Variants in SYNC observed in about 807,000 individuals in gnomAD.
SYNC encodes the protein syncoilin.
Under a neutral mutation model 49.5 loss-of-function variants are expected in SYNC, and 38 were observed. The observed-to-expected ratio is 0.77, with a 90% CI of 0.59 to 1.01. The LOEUF is 1.01. Among genes scored for constraint, SYNC ranks in the 50% least tolerant of loss-of-function variants. The pLI, the probability that SYNC is intolerant of heterozygous loss-of-function variation, is 0.00. For synonymous variants in SYNC, 201 were observed against 230.8 expected, an observed-to-expected ratio of 0.87 and a Z score of 1.17; for missense variants, 579 against 580.6, an observed-to-expected ratio of 1.00 and a Z score of 0.03.
chr1:32,687,332 G>C (rs1385330992), intron 2 of SYNC, among the ~76,000 whole-genome samples: 1 of 143,896 alleles, frequency 6.9e-6, no homozygotes, highest in East Asian at 2.1e-4. Context: ...TTGCACTCCA[G>C]CCTGGGGGAC....
chr1:32,691,384 A>C (rs1026225023), intron 2 of SYNC, among the ~76,000 whole-genome samples: 4 of 46,668 alleles, frequency 8.6e-5, no homozygotes, highest in Non-Finnish European at 1.9e-4. Context: ...AATAGAAGAG[A>C]CTCCGACTAA....
intron 1 of SYNC, among the ~76,000 whole-genome samples, chr1:32,697,994 G>A (rs111449237): frequency 6.7e-5 from 10 of 148,856 alleles, no homozygotes; most frequent in East Asian, 4.0e-4. Flanking sequence ...AGGCCAAGAC[G>A]GGTGGATCAC....
intron 2 of SYNC, among the ~76,000 whole-genome samples, chr1:32,690,959 C>T (rs997153810): frequency 6.6e-6 from 1 of 152,000 alleles, no homozygotes; most frequent in African/African-American, 2.4e-5. Context: ...TGGCTCACAC[C>T]TATAATCCCA....
upstream of SYNC, chr1:32,702,807 G>T: frequency 1.6e-6 from 1 of 609,254 alleles, no homozygotes; most frequent in Non-Finnish European, 2.1e-6. The surrounding 1 kb of genome is among the most constrained non-coding windows in gnomAD (Gnocchi z 6.2). Flanking sequence ...CTTGGCCGGG[G>T]CTCCTGCCGG....
intron 1 of SYNC, among the ~76,000 whole-genome samples, chr1:32,698,544 T>C (rs946065971): frequency 2.0e-5 from 3 of 152,180 alleles, no homozygotes; most frequent in Middle Eastern, 6.8e-3. Flanking sequence ...TCATACCAAG[T>C]GCTTGTAAGC....
At chr1:32,692,407 C>T (rs1650208972) in intron 2 of SYNC, among the ~76,000 whole-genome samples, 2 of 152,064 alleles carry the variant, frequency 1.3e-5, no homozygotes, top group Non-Finnish European at 1.5e-5. Context: ...AGACTGTGAA[C>T]CAATTTTTTA....
intron 1 of SYNC, among the ~76,000 whole-genome samples, chr1:32,701,792 C>T (rs1570932468): frequency 6.6e-6 from 1 of 152,300 alleles, no homozygotes; most frequent in Middle Eastern, 3.4e-3. Flanking sequence ...CAGAGAACCG[C>T]AGAGCTCTCC....
intron 2 of SYNC, among the ~76,000 whole-genome samples, chr1:32,689,393 C>G (rs1650050756): frequency 2.0e-5 from 3 of 151,458 alleles, no homozygotes; most frequent in Admixed American, 1.3e-4. Context: ...TGCCTACCAC[C>G]ATGCCTGGCT....
At chr1:32,697,822 GT>G (rs1301788463) in intron 1 of SYNC, among the ~76,000 whole-genome samples, 1 of 151,496 alleles carries the variant, frequency 6.6e-6, no homozygotes, top group Non-Finnish European at 1.5e-5. Flanking sequence ...TCATATCCTT[GT>G]GACACAAATG....
chr1:32,686,201 ATTAAAG>A (rs981454308), intron 2 of SYNC: 2 of 152,246 alleles, frequency 1.3e-5, no homozygotes, highest in Non-Finnish European at 2.9e-5. Flanking sequence ...AATAAAATGC[ATTAAAG>A]TTAATTTCAT....
At position 32,694,985 on chromosome 1, in the gene SYNC, C is replaced by T; in HGVS notation, c.1113G>A (p.Met371Ile). The T allele has an allele frequency of 6.2e-7, 1 of 1,614,100 alleles. No homozygotes were observed. The highest frequency in any genetic ancestry group is 1.3e-5 in the African/African-American group (1 of 75,014). The change falls in exon 2 of 5, where the codon ATG becomes ATA. Residue 371 changes from methionine (M) to isoleucine (I), a missense_variant. By Grantham distance (10) the Met-to-Ile change is conservative. Transcript: ENST00000409190. ...CTTGCAGGGGTCTCAGAGCCTCCTT[C>T]ATTTCCTGGATCTCAGCCTGGGTTC... is the stretch of plus-strand genomic sequence containing the variant. ...LQRTQAEIQE[M>I]KEALRPLQAE...
At chr1:32,692,535 T>C (rs1650214774) in intron 2 of SYNC, among the ~76,000 whole-genome samples, 1 of 152,056 alleles carries the variant, frequency 6.6e-6, no homozygotes, top group Non-Finnish European at 1.5e-5. Flanking sequence ...TCACCTGAGG[T>C]CAGGTGTTCG....
Position 32,695,661 on chromosome 1 carries a change from G to C in SYNC, c.437C>G (p.Ala146Gly), listed in dbSNP as rs1171957898. 6.4e-7 allele frequency: 1 copy of C among 1,551,306 alleles called. No individual in the cohort carries two copies. Among genetic ancestry groups the C allele is most frequent in the Non-Finnish European group, 8.7e-7 (1 of 1,146,990 alleles). Residue 146 changes from alanine to glycine, a missense_variant, in exon 2 of 5, where the codon GCG becomes GGG. Transcript: ENST00000409190. ...GCTCTCCTCAGGGTTAGATTTCTCC[G>C]CCCTTGTGACTGTCTCTCCCTCATA... The part of the protein sequence containing the change: ...VVYEGETVTR[A>G]EKSNPEESLR...
chr1:32,680,311 T>A lies in SYNC; in HGVS notation c.*1539A>T. 1 of 1,312,168 alleles carries A rather than the reference T, an allele frequency of 7.6e-7. No individual in the cohort carries two copies. The highest frequency in any genetic ancestry group is 2.3e-5 in the South Asian group (1 of 44,060). The allele number at this position is 1,312,168 out of a possible 1,614,324, so 81.3% of individuals were successfully genotyped here. A position where few individuals can be genotyped will look rare whatever the true frequency, so the allele number is the denominator to read the frequency against. ...GTGTATTTCTTGAGCTGTTTTCATGTTGTTTATTTCCTGTCTGTGAAATGG... is the reference window on the plus strand; with the variant it reads ...GTGTATTTCTTGAGCTGTTTTCATGATGTTTATTTCCTGTCTGTGAAATGG... On this transcript the variant is annotated 3_prime_UTR_variant, in exon 5 of 5. Coordinates refer to ENST00000409190, the MANE Select transcript of SYNC (RefSeq NM_030786.3).
rs1244406339 is a variant in SYNC, at chr1:32,684,447, T to TA, written c.1234-66dup. 12 of 1,606,278 alleles carry TA rather than the reference T, an allele frequency of 7.5e-6. No homozygotes were observed. The East Asian group carries it at 2.5e-4, about 33-fold the overall frequency. On this transcript the variant is annotated intron_variant, in intron 2 of 4. Coordinates refer to ENST00000409190, the MANE Select transcript of SYNC (RefSeq NM_030786.3). Reference sequence around the variant, plus strand: ...AATAAAAACTCACATTGTCCACTCTTACTTATAAAACACTTTTTTGTTCAT... The same window carrying TA: ...AATAAAAACTCACATTGTCCACTCTTAACTTATAAAACACTTTTTTGTTCAT...
At chr1:32,696,087 C>T (rs1300013436) in intron 1 of SYNC, 43 bp from the exon 2 acceptor site, 7 of 1,484,702 alleles carry the variant, frequency 4.7e-6, no homozygotes, top group Non-Finnish European at 5.4e-6. Flanking sequence ...GCCACAATCC[C>T]AGGATGGTGC....
rs1474081279 is a variant in SYNC, at chr1:32,695,146, G to GA, written c.951dup (p.Leu318SerfsTer12). On this transcript the variant is annotated frameshift_variant, in exon 2 of 5. Coordinates refer to ENST00000409190, the MANE Select transcript of SYNC (RefSeq NM_030786.3). LOFTEE classifies it high-confidence loss of function. ...GCAGAGAGTCGCCGGCTTTCCTGGA[G>GA]AAAGTGCCCATCCCTCTGGCTTGGA... The GA allele has an allele frequency of 6.2e-7, 1 of 1,604,536 alleles. No individual in the cohort carries two copies. Among genetic ancestry groups the GA allele is most frequent in the Non-Finnish European group, 8.5e-7 (1 of 1,175,612 alleles).
At chr1:32,681,899 C>T (rs1371137644) in intron 4 of SYNC, 39 bp from the exon 5 acceptor site, 1 of 1,580,506 alleles carries the variant, frequency 6.3e-7, no homozygotes, top group Non-Finnish European at 8.7e-7. Context: ...CAGTGAACTT[C>T]TGAGGTTTAG....
intron 2 of SYNC, among the ~76,000 whole-genome samples, chr1:32,692,703 GCCACTGCACT>G (rs1032591875): frequency 2.6e-5 from 4 of 151,978 alleles, no homozygotes; most frequent in Non-Finnish European, 4.4e-5. Flanking sequence ...CTGAGATCAT[GCCACTGCACT>G]CCACTGCACT....
Sources: allele counts gnomAD v4.1 joint callset (sites outside exome capture counted in the v4.1 genomes callset), GRCh38; gene constraint gnomAD v4.1.1; non-coding constraint Gnocchi (gnomAD v3.1); transcripts MANE v1.5; gene names NCBI Gene and HGNC (gene_info 2026-07-23, HGNC 2026-07-21).